CNBD1: variants seen among roughly 807,000 people sequenced by gnomAD.
The protein encoded by CNBD1 is cyclic nucleotide-binding domain-containing protein 1.
Under a neutral mutation model 54.4 loss-of-function variants are expected in CNBD1, and 71 were observed. That is an observed-to-expected ratio of 1.30 (90% confidence interval 1.08 to 1.59). The LOEUF is 1.59. Among genes scored for constraint, CNBD1 ranks in the 40% most tolerant of loss-of-function variants. The pLI is 0.00. For missense variants in CNBD1, 659 were observed against 518.0 expected (o/e 1.27, Z -2.64); for synonymous variants, 182 against 170.7 (o/e 1.07, Z -0.51).
chr8:86,926,653 C>T (rs1300424512), intron 3 of CNBD1, among the ~76,000 whole-genome samples: 1 of 151,952 alleles, frequency 6.6e-6, no homozygotes, highest in African/African-American at 2.4e-5. Flanking sequence ...GGTGTAAAAA[C>T]AACACTCTTT....
At chr8:87,403,965 T>C (rs577287054) in intron 2 of CNBD1, among the ~76,000 whole-genome samples, 82 of 152,168 alleles carry the variant, frequency 5.4e-4, no homozygotes, top group African/African-American at 1.9e-3. Flanking sequence ...CCATGATTTA[T>C]TGGTAAGATG....
downstream of CNBD1, among the ~76,000 whole-genome samples, chr8:87,387,750 G>A (rs965627010): frequency 6.6e-6 from 1 of 152,154 alleles, no homozygotes; most frequent in African/African-American, 2.4e-5. Flanking sequence ...TCTGCACCAA[G>A]AGGACCTAAT....
chr8:87,385,613 G>A (rs1811167004), downstream of CNBD1, among the ~76,000 whole-genome samples: 1 of 152,114 alleles, frequency 6.6e-6, no homozygotes, highest in Non-Finnish European at 1.5e-5. Context: ...TAAACAAAGT[G>A]GCTGGGAAGC....
intron 8 of CNBD1, among the ~76,000 whole-genome samples, chr8:87,327,197 C>G (rs1563553958): frequency 7.0e-6 from 1 of 143,346 alleles, no homozygotes. Context: ...AGAACCACTG[C>G]TCTCTTCAAA....
chr8:86,953,452 AATT>A (rs1330891611), intron 4 of CNBD1, among the ~76,000 whole-genome samples: 1 of 152,226 alleles, frequency 6.6e-6, no homozygotes, highest in Non-Finnish European at 1.5e-5. Context: ...CAATAACCCT[AATT>A]ATGATTGATA....
intron 4 of CNBD1, among the ~76,000 whole-genome samples, chr8:86,970,250 G>A (rs1288192442): frequency 6.6e-6 from 1 of 151,906 alleles, no homozygotes; most frequent in Non-Finnish European, 1.5e-5. Flanking sequence ...CCTCTAATAA[G>A]CTATCTTTCC....
At chr8:87,057,767 T>A (rs1250814127) in intron 4 of CNBD1, among the ~76,000 whole-genome samples, 1 of 152,092 alleles carries the variant, frequency 6.6e-6, no homozygotes, top group Non-Finnish European at 1.5e-5. Context: ...GAGAATCACT[T>A]GAACCTGGGA....
intron 2 of CNBD1, among the ~76,000 whole-genome samples, chr8:87,390,429 A>T (rs939308584): frequency 4.6e-5 from 7 of 152,212 alleles, no homozygotes; most frequent in Non-Finnish European, 1.0e-4. Context: ...AAGTGGGTGA[A>T]GGATATGAAC....
Position 87,137,090 on chromosome 8 carries a change from T to C in CNBD1, c.432-68903T>C, listed in dbSNP as rs1812264421. Among the ~76,000 whole-genome samples, 5 of 113,148 alleles carry C rather than the reference T, an allele frequency of 4.4e-5. No individual in the cohort carries two copies. The South Asian group carries it at 1.0e-3, about 23-fold the overall frequency. 74.2% of individuals were successfully genotyped at this position (113,148 alleles called of 152,430 possible). On this transcript the variant is annotated intron_variant, in intron 4 of 10. Coordinates refer to ENST00000518476, the MANE Select transcript of CNBD1 (RefSeq NM_173538.3). The stretch of plus-strand genomic sequence containing the variant: ...ATATTCTATGTAAATTATATATATT[T>C]ATATTATATGTAAATTATATATATT...
At chr8:87,423,002 T>G (rs937755658) in intron 2 of CNBD1, among the ~76,000 whole-genome samples, 6 of 151,862 alleles carry the variant, frequency 4.0e-5, no homozygotes, top group African/African-American at 1.2e-4. Context: ...CCCTTGTAAG[T>G]TGGATTCCTA....
At chr8:86,886,720 G>A (rs1033548467) in intron 1 of CNBD1, among the ~76,000 whole-genome samples, 5 of 152,084 alleles carry the variant, frequency 3.3e-5, no homozygotes. Flanking sequence ...TAACGTTTGA[G>A]AAATACATTA....
rs187592667 is a variant in CNBD1, at chr8:87,373,525, C to T, written c.1304-9095C>T. Among the ~76,000 whole-genome samples the T allele has an allele frequency of 8.0e-4, 121 of 151,802 alleles. 1 individual carries two copies. The Middle Eastern group carries it at 0.02, about 26-fold the overall frequency. On this transcript the variant is annotated intron_variant, in intron 10 of 10. Coordinates refer to ENST00000518476, the MANE Select transcript of CNBD1 (RefSeq NM_173538.3). ...TTTTATACTCTTGTAATTATGATGC[C>T]TTAAATGTAACTTGTTTTTCAGCAA...
intron 4 of CNBD1, among the ~76,000 whole-genome samples, chr8:87,056,804 T>A (rs1206757382): frequency 6.6e-6 from 1 of 152,166 alleles, no homozygotes; most frequent in African/African-American, 2.4e-5. Context: ...ATATAAAATT[T>A]GAACAGATTC....
intron 4 of CNBD1, among the ~76,000 whole-genome samples, chr8:87,192,034 T>A (rs978897148): frequency 2.6e-5 from 4 of 152,254 alleles, no homozygotes; most frequent in South Asian, 2.1e-4. Flanking sequence ...AGAATAATTT[T>A]AAAAAATATA....
chr8:87,380,733 C>T (rs1271854912), intron 10 of CNBD1, among the ~76,000 whole-genome samples: 2 of 151,892 alleles, frequency 1.3e-5, no homozygotes, highest in Non-Finnish European at 2.9e-5. Context: ...CTTTTACCTC[C>T]TTAGCTAAGT....
At chr8:87,002,992 G>A (rs562728282) in intron 4 of CNBD1, among the ~76,000 whole-genome samples, 16 of 152,024 alleles carry the variant, frequency 1.1e-4, no homozygotes, top group East Asian at 1.9e-4. Flanking sequence ...AATTATACTC[G>A]AACACCTTTT....
intron 4 of CNBD1, among the ~76,000 whole-genome samples, chr8:87,004,738 G>A (rs1022499212): frequency 6.6e-6 from 1 of 151,986 alleles, no homozygotes; most frequent in Non-Finnish European, 1.5e-5. Context: ...GGGTAAGAAG[G>A]AACCTAAAAC....
chr8:87,399,517 G>T (rs10955278), intron 2 of CNBD1, among the ~76,000 whole-genome samples: 27,678 of 151,886 alleles, frequency 0.18, 2,769 homozygotes, highest in South Asian at 0.23. Flanking sequence ...TTCAAATCTG[G>T]GCCAGCACTT....
At chr8:87,238,133 T>G (rs964959192) in intron 6 of CNBD1, among the ~76,000 whole-genome samples, 8 of 150,552 alleles carry the variant, frequency 5.3e-5, no homozygotes, top group African/African-American at 2.0e-4. Context: ...CAGATCTGCA[T>G]TCTGCTTTAG....
Sources: allele counts gnomAD v4.1 joint callset (sites outside exome capture counted in the v4.1 genomes callset), GRCh38; gene constraint gnomAD v4.1.1; transcripts MANE v1.5; gene names NCBI Gene and HGNC (gene_info 2026-07-23, HGNC 2026-07-21).